Variants in NR1H4 observed in about 807,000 individuals in gnomAD.
NR1H4 encodes bile acid receptor.
NR1H4 carries 23 observed loss-of-function variants against 58.5 expected under a neutral mutation model. The observed-to-expected ratio is 0.39, with a 90% CI of 0.28 to 0.56. The LOEUF (loss-of-function observed/expected upper bound fraction) is 0.56, where lower values mean the gene tolerates loss of function less well. Among genes scored for constraint, NR1H4 ranks in the 20% least tolerant of loss-of-function variants. The pLI is 0.58. For missense variants in NR1H4, 487 were observed against 576.9 expected (o/e 0.84, Z 1.60); for synonymous variants, 214 against 198.0 (o/e 1.08, Z -0.68).
intron 4 of NR1H4, among the ~76,000 whole-genome samples, chr12:100,523,153 C>G (rs944690091): frequency 1.3e-5 from 2 of 152,158 alleles, no homozygotes; most frequent in African/African-American, 4.8e-5. Flanking sequence ...AGAGGTTGTA[C>G]TAATTTACAT....
Position 100,493,320 on chromosome 12 carries a change from T to G in NR1H4, c.-4T>G, listed in dbSNP as rs779311733. ...AGAAAGTGCATTTCAATTGAAAAAT[T>G]TGGATGGGATCAAAAATGAATCTCA... On this transcript the variant is annotated 5_prime_UTR_variant, in exon 3 of 11. The change creates a new upstream start codon in the 5' untranslated region. Coordinates refer to ENST00000392986, the MANE Select transcript of NR1H4 (RefSeq NM_001206979.2). The G allele has an allele frequency of 2.0e-6, 3 of 1,516,642 alleles. No individual in the cohort carries two copies. Among genetic ancestry groups the G allele is most frequent in the Non-Finnish European group, 2.7e-6 (3 of 1,097,568 alleles). 93.9% of individuals were successfully genotyped at this position (1,516,642 alleles called of 1,614,324 possible).
chr12:100,509,697 T>C (rs1014283019), intron 3 of NR1H4, among the ~76,000 whole-genome samples: 8 of 152,204 alleles, frequency 5.3e-5, no homozygotes, highest in African/African-American at 1.9e-4. Context: ...AGTAGATAGA[T>C]TGCAGGCACT....
At chr12:100,527,362 T>C (rs148493053) in intron 4 of NR1H4, among the ~76,000 whole-genome samples, 5 of 152,132 alleles carry the variant, frequency 3.3e-5, no homozygotes, top group Non-Finnish European at 7.4e-5. Flanking sequence ...ACTCAGTCTC[T>C]ATAAAAAATT....
intron 4 of NR1H4, among the ~76,000 whole-genome samples, chr12:100,513,364 G>T (rs1486502234): frequency 1.3e-5 from 2 of 152,048 alleles, no homozygotes; most frequent in Non-Finnish European, 2.9e-5. Context: ...ATGATAAAAA[G>T]TAAATATTAC....
At chr12:100,514,302 C>T (rs1015777429) in intron 4 of NR1H4, among the ~76,000 whole-genome samples, 25 of 152,090 alleles carry the variant, frequency 1.6e-4, no homozygotes, top group African/African-American at 6.0e-4. Flanking sequence ...TCTGTAGTAC[C>T]ATATTTATAA....
chr12:100,555,950 A>G (rs1252250625), intron 9 of NR1H4, among the ~76,000 whole-genome samples: 8 of 152,130 alleles, frequency 5.3e-5, no homozygotes, highest in Admixed American at 5.2e-4. Flanking sequence ...ATAAAGGGCA[A>G]TCTTCCACAT....
intron 3 of NR1H4, among the ~76,000 whole-genome samples, chr12:100,501,802 T>A (rs1953841109): frequency 6.6e-6 from 1 of 152,202 alleles, no homozygotes; most frequent in African/African-American, 2.4e-5. Flanking sequence ...TATCTATGTT[T>A]TACCATCTAT....
At chr12:100,557,316 A>T (rs1228042667) in intron 9 of NR1H4, among the ~76,000 whole-genome samples, 1 of 152,190 alleles carries the variant, frequency 6.6e-6, no homozygotes, top group East Asian at 1.9e-4. Flanking sequence ...TTAAACATTC[A>T]TATTTCACAG....
chr12:100,508,836 C>T (rs567667044), intron 3 of NR1H4, among the ~76,000 whole-genome samples: 2 of 152,292 alleles, frequency 1.3e-5, no homozygotes, highest in South Asian at 2.1e-4. Context: ...AAAAGTTTGG[C>T]ACACACTTTT....
chr12:100,549,453 C>T (rs575985220), intron 9 of NR1H4, among the ~76,000 whole-genome samples: 2 of 152,260 alleles, frequency 1.3e-5, no homozygotes, highest in South Asian at 4.1e-4. Context: ...ATAACTTCTA[C>T]TGGCATTCCA....
intron 3 of NR1H4, among the ~76,000 whole-genome samples, chr12:100,506,002 AACACACACACACACACACACAC>A (rs398020830): frequency 7.1e-6 from 1 of 141,028 alleles, no homozygotes; most frequent in Non-Finnish European, 1.5e-5. Context: ...AAGTGTTTAT[AACACACACACACACACACACAC>A]ACACACACAC....
intron 4 of NR1H4, among the ~76,000 whole-genome samples, chr12:100,527,571 T>C (rs528785423): frequency 3.0e-4 from 46 of 152,056 alleles, no homozygotes; most frequent in Non-Finnish European, 6.2e-4. Flanking sequence ...TGTGAGCTTA[T>C]CAAGGTTCAC....
chr12:100,502,590 G>A (rs1953859794), intron 3 of NR1H4, among the ~76,000 whole-genome samples: 3 of 152,246 alleles, frequency 2.0e-5, no homozygotes, highest in South Asian at 2.1e-4. Flanking sequence ...AACAATTAAG[G>A]TCACATTCTG....
intron 3 of NR1H4, among the ~76,000 whole-genome samples, chr12:100,504,716 A>C (rs1953917506): frequency 1.3e-5 from 2 of 152,212 alleles, no homozygotes; most frequent in Non-Finnish European, 2.9e-5. Context: ...AAGCTTAAAG[A>C]AGTTCCATGT....
intron 4 of NR1H4, among the ~76,000 whole-genome samples, chr12:100,512,109 T>C (rs2136163213): frequency 6.6e-6 from 1 of 151,924 alleles, no homozygotes; most frequent in African/African-American, 2.4e-5. Flanking sequence ...GGAGCACGCA[T>C]GTTGTCCCAG....
intron 4 of NR1H4, among the ~76,000 whole-genome samples, chr12:100,511,691 G>T (rs1285032221): frequency 6.6e-6 from 1 of 151,936 alleles, no homozygotes; most frequent in Non-Finnish European, 1.5e-5. Flanking sequence ...GGAGGCCGAG[G>T]CAGGCAGATC....
At chr12:100,531,069 T>G (rs1954680111) in intron 4 of NR1H4, among the ~76,000 whole-genome samples, 1 of 152,108 alleles carries the variant, frequency 6.6e-6, no homozygotes, top group Non-Finnish European at 1.5e-5. Flanking sequence ...GTGACCTCAG[T>G]GTAAAAATTG....
At position 100,507,980 on chromosome 12, in the gene NR1H4, T is replaced by C. The variant is rs145747646; in HGVS notation, c.80-2798T>C. 5.6e-4 allele frequency among the ~76,000 whole-genome samples: 85 copies of C among 152,222 alleles called. 1 individual carries two copies. The highest frequency in any genetic ancestry group is 2.0e-3 in the African/African-American group (82 of 41,528). ...TCATATACTTATGGAGACTTTTAGA[T>C]ATAAAGAAGAACTAGAAGATTATCT... is the stretch of plus-strand genomic sequence containing the variant. On this transcript the variant is annotated intron_variant, in intron 3 of 10. Transcript: ENST00000392986.
intron 1 of NR1H4, among the ~76,000 whole-genome samples, chr12:100,492,161 A>T (rs1476778519): frequency 6.6e-6 from 1 of 152,220 alleles, no homozygotes; most frequent in African/African-American, 2.4e-5. Context: ...TGAATAAATG[A>T]ATAAATGAAG....
Sources: allele counts gnomAD v4.1 joint callset (sites outside exome capture counted in the v4.1 genomes callset), GRCh38; gene constraint gnomAD v4.1.1; transcripts MANE v1.5; gene names NCBI Gene and HGNC (gene_info 2026-07-23, HGNC 2026-07-21).